Variants in LDB2 observed in about 807,000 individuals in gnomAD.
The protein encoded by LDB2 is LIM domain binding 2, also known as LIM domain-binding protein 2.
LDB2 carries 12 observed loss-of-function variants against 44.3 expected under a neutral mutation model. That is an observed-to-expected ratio of 0.27 (90% CI 0.17 to 0.44). The LOEUF (loss-of-function observed/expected upper bound fraction) is 0.44, where lower values mean the gene tolerates loss of function less well. LDB2 is among the 20% of genes least tolerant of loss of function. The pLI is 1.00. For synonymous variants in LDB2, 164 were observed against 174.8 expected (o/e 0.94, Z 0.49); for missense variants, 344 against 473.5 (o/e 0.73, Z 2.54).
chr4:16,737,036 G>C (rs925077909), intron 2 of LDB2, among the ~76,000 whole-genome samples: 1 of 152,132 alleles, frequency 6.6e-6, no homozygotes, highest in East Asian at 1.9e-4. Context: ...TAAACAGTGA[G>C]TGAGACCAGA....
At chr4:16,720,299 C>T (rs1034229249) in intron 2 of LDB2, among the ~76,000 whole-genome samples, 1 of 151,946 alleles carries the variant, frequency 6.6e-6, no homozygotes, top group Admixed American at 6.6e-5. Flanking sequence ...AGTTGAAAGG[C>T]CTTAAGAGCA....
At chr4:16,519,788 C>T (rs1725290274) in intron 5 of LDB2, among the ~76,000 whole-genome samples, 1 of 151,774 alleles carries the variant, frequency 6.6e-6, no homozygotes, top group African/African-American at 2.4e-5. Context: ...TTATCTCTGA[C>T]AGTTTGAAAC....
intron 2 of LDB2, among the ~76,000 whole-genome samples, chr4:16,725,747 C>G (rs1188668390): frequency 1.3e-5 from 2 of 151,992 alleles, no homozygotes; most frequent in East Asian, 3.9e-4. Context: ...TTTTCCCACT[C>G]CTCTGCCTGC....
intron 2 of LDB2, among the ~76,000 whole-genome samples, chr4:16,625,857 T>G (rs917033707): frequency 6.6e-6 from 1 of 152,168 alleles, no homozygotes; most frequent in Admixed American, 6.5e-5. Context: ...AGCCTCTGCA[T>G]AAAACCACTG....
intron 1 of LDB2, among the ~76,000 whole-genome samples, chr4:16,835,456 T>C (rs1449259149): frequency 6.6e-6 from 1 of 152,244 alleles, no homozygotes. Flanking sequence ...GCATCAGTCA[T>C]TCATTCCTTT....
At chr4:16,762,622 C>G (rs1319113112) in intron 1 of LDB2, among the ~76,000 whole-genome samples, 1 of 152,126 alleles carries the variant, frequency 6.6e-6, no homozygotes. Flanking sequence ...GGAAACCACC[C>G]CCATGATTCA....
chr4:16,718,488 C>A (rs970234589), intron 2 of LDB2, among the ~76,000 whole-genome samples: 7 of 152,020 alleles, frequency 4.6e-5, no homozygotes, highest in African/African-American at 1.7e-4. Context: ...TATCTTTAAC[C>A]CACATGGGCA....
At chr4:16,830,654 T>C (rs905174593) in intron 1 of LDB2, among the ~76,000 whole-genome samples, 1 of 152,246 alleles carries the variant, frequency 6.6e-6, no homozygotes, top group African/African-American at 2.4e-5. Flanking sequence ...TTCCTTTTTG[T>C]TTCTTTTAAA....
At chr4:16,803,464 T>C (rs2109773476) in intron 1 of LDB2, among the ~76,000 whole-genome samples, 1 of 152,340 alleles carries the variant, frequency 6.6e-6, no homozygotes, top group East Asian at 1.9e-4. Flanking sequence ...GAGTTCAATT[T>C]ATAAAGGAAG....
intron 2 of LDB2, among the ~76,000 whole-genome samples, chr4:16,647,725 C>G (rs1347245616): frequency 1.3e-5 from 2 of 152,238 alleles, no homozygotes; most frequent in East Asian, 3.9e-4. Flanking sequence ...TCATTTTATT[C>G]CCACTGACTC....
At chr4:16,714,206 G>A (rs1167067924) in intron 2 of LDB2, among the ~76,000 whole-genome samples, 2 of 152,146 alleles carry the variant, frequency 1.3e-5, no homozygotes, top group Non-Finnish European at 2.9e-5. Flanking sequence ...TTCGAATGAG[G>A]GTACTGTTTT....
chr4:16,555,880 C>A (rs1238287493), intron 5 of LDB2, among the ~76,000 whole-genome samples: 1 of 152,200 alleles, frequency 6.6e-6, no homozygotes, highest in Non-Finnish European at 1.5e-5. Flanking sequence ...CTGTCCAATT[C>A]AATCTCGCGT....
chr4:16,749,329 G>A (rs1764983132), intron 2 of LDB2, among the ~76,000 whole-genome samples: 1 of 151,806 alleles, frequency 6.6e-6, no homozygotes, highest in Non-Finnish European at 1.5e-5. Context: ...GGAGGCCGAG[G>A]TGGGTGGACC....
chr4:16,655,896 C>CT (rs747097456), intron 2 of LDB2, among the ~76,000 whole-genome samples: 1,017 of 93,238 alleles, frequency 0.011, 64 homozygotes, highest in African/African-American at 0.017. Flanking sequence ...TGCAAGAAAA[C>CT]TTTTTTTTTT....
chr4:16,508,915 TTAATCATTCTCTCTAATG>T (rs1221962636), intron 6 of LDB2, among the ~76,000 whole-genome samples: 1 of 151,606 alleles, frequency 6.6e-6, no homozygotes, highest in East Asian at 2.0e-4. Context: ...TAATTTTTAT[TTAATCATTCTCTCTAATG>T]GTATGTATTT....
chr4:16,881,436 C>A (rs1235487738), intron 1 of LDB2, among the ~76,000 whole-genome samples: 2 of 152,198 alleles, frequency 1.3e-5, no homozygotes, highest in African/African-American at 4.8e-5. Flanking sequence ...CAGATATTCA[C>A]CCTGATTAGC....
chr4:16,684,542 T>C (rs747575707), intron 2 of LDB2, among the ~76,000 whole-genome samples: 1 of 152,248 alleles, frequency 6.6e-6, no homozygotes, highest in African/African-American at 2.4e-5. Context: ...GCTGACAGAG[T>C]ATATTTCTTG....
chr4:16,820,985 GT>G (rs918720054), intron 1 of LDB2, among the ~76,000 whole-genome samples: 48 of 152,050 alleles, frequency 3.2e-4, no homozygotes, highest in South Asian at 1.7e-3. Context: ...AATGTTTACA[GT>G]TTTTTTTAAC....
intron 1 of LDB2, among the ~76,000 whole-genome samples, chr4:16,881,332 G>C (rs921000657): frequency 6.6e-6 from 1 of 152,204 alleles, no homozygotes; most frequent in Non-Finnish European, 1.5e-5. Context: ...GAAAAATGGA[G>C]TGGATACCAC....
Sources: gnomAD v4.1 joint callset for allele counts (sites outside exome capture counted in the v4.1 genomes callset) on GRCh38, gnomAD v4.1.1 for gene constraint, MANE v1.5 for transcripts, NCBI Gene and HGNC (gene_info 2026-07-23, HGNC 2026-07-21) for gene names.